Variants in CIB1 observed in about 807,000 individuals in gnomAD.
CIB1 encodes the protein calcium and integrin binding 1, also known as calcium and integrin-binding protein 1.
Under a neutral mutation model 25.0 loss-of-function variants are expected in CIB1, and 19 were observed. The ratio of observed to expected loss-of-function variants is 0.76; its 90% CI spans 0.53 to 1.12. CIB1 has a LOEUF of 1.12. Ranked by LOEUF, CIB1 falls within the 50% of genes most tolerant of loss-of-function variation. The probability of loss-of-function intolerance (pLI) is 0.00; values close to 1 mark genes in which losing one functional copy is unlikely to be tolerated. For synonymous variants in CIB1, 104 were observed against 98.5 expected (o/e 1.06, Z -0.33); for missense variants, 236 against 242.6 (o/e 0.97, Z 0.18).
the CIB1 span, chr15:90,242,580 CTA>C: frequency 0.54 from 80,900 of 150,852 alleles, 23,463 homozygotes; most frequent in African/African-American, 0.75. Flanking sequence ...GTAGCTGGGA[CTA>C]TACAGGCTCC....
At chr15:90,261,852 A>G in the CIB1 span, among the ~76,000 whole-genome samples, 109,408 of 152,192 alleles carry the variant, frequency 0.72, 40,262 homozygotes, top group African/African-American at 0.87. Context: ...ATGTGGGGCT[A>G]GCCAAAGATG....
chr15:90,262,263 G>A, the CIB1 span: 3 of 1,407,526 alleles, frequency 2.1e-6, no homozygotes, highest in Non-Finnish European at 2.8e-6. Context: ...CTTCCCAGCA[G>A]GGAAAGAGGA....
At chr15:90,233,321 G>A (rs1962547977) in intron 2 of CIB1, among the ~76,000 whole-genome samples, 1 of 152,262 alleles carries the variant, frequency 6.6e-6, no homozygotes, top group South Asian at 2.1e-4. Flanking sequence ...TTGGGAGAAG[G>A]AGCCGGGCTC....
upstream of CIB1, among the ~76,000 whole-genome samples, chr15:90,235,678 C>T (rs80192284): frequency 0.064 from 9,740 of 151,840 alleles, 827 homozygotes; most frequent in East Asian, 0.38. Context: ...CGCCATTCTT[C>T]TACCTTAGCC....
chr15:90,257,425 GTGTT>G, the CIB1 span: 1 of 1,277,438 alleles, frequency 7.8e-7, no homozygotes, highest in East Asian at 2.4e-5. Context: ...TGGGAGGCAA[GTGTT>G]TGGTAGGTGG....
chr15:90,250,973 T>G, the CIB1 span: 14 of 1,504,366 alleles, frequency 9.3e-6, no homozygotes, highest in Non-Finnish European at 1.3e-5. Context: ...AGCTGGGATC[T>G]CAGATCTTCC....
At chr15:90,241,676 C>T in the CIB1 span, 8 of 1,614,106 alleles carry the variant, frequency 5.0e-6, no homozygotes, top group Non-Finnish European at 6.8e-6. Flanking sequence ...CTGGCTTCCT[C>T]TTTTACACTC....
chr15:90,262,004 A>G, the CIB1 span: 51 of 1,530,354 alleles, frequency 3.3e-5, no homozygotes, highest in Admixed American at 8.5e-4. Context: ...TGCTTTCCAC[A>G]GGAAAGAAAA....
At position 90,233,648 on chromosome 15, in the gene CIB1, AG is replaced by A; in HGVS notation, c.86+20del. 6.4e-7 allele frequency: 1 copy of A among 1,571,040 alleles called. No homozygotes were observed. The highest frequency in any genetic ancestry group is 8.6e-7 in the Non-Finnish European group (1 of 1,157,956). On this transcript the variant is annotated intron_variant, in intron 2 of 6. Transcript: ENST00000328649. ...TCTAGAGGATCCCGGGGTCGGAGGC[AG>A]GGTTCAAGGCAGCACTTACAGGAGG...
the CIB1 span, among the ~76,000 whole-genome samples, chr15:90,239,293 A>G: frequency 2.1e-5 from 3 of 145,344 alleles, no homozygotes; most frequent in South Asian, 6.6e-4. Flanking sequence ...GTTGATCTAT[A>G]TGAGACATAA....
intron 2 of CIB1, among the ~76,000 whole-genome samples, chr15:90,233,441 C>T (rs1962552023): frequency 6.6e-6 from 1 of 151,342 alleles, no homozygotes; most frequent in East Asian, 1.9e-4. Context: ...GAGCGCCTAA[C>T]TTTTCCTGGA....
At chr15:90,241,357 A>G in the CIB1 span, 2 of 1,614,174 alleles carry the variant, frequency 1.2e-6, no homozygotes, top group Non-Finnish European at 1.7e-6. Flanking sequence ...ACTCTGCTGC[A>G]AGAAGACATC....
At chr15:90,255,708 GA>G in the CIB1 span, 3 of 1,613,458 alleles carry the variant, frequency 1.9e-6, no homozygotes, top group African/African-American at 2.7e-5. Context: ...CAGGTGCTAG[GA>G]AATGCCACTT....
chr15:90,233,989 T>C (rs1962574548), upstream of CIB1: 3 of 1,297,056 alleles, frequency 2.3e-6, no homozygotes, highest in East Asian at 8.3e-5. Flanking sequence ...CGGCAACCGC[T>C]CCTGGGGCCA....
chr15:90,253,207 C>A, the CIB1 span: 2 of 1,540,516 alleles, frequency 1.3e-6, no homozygotes, highest in Non-Finnish European at 1.8e-6. Context: ...GGGCTTGTTG[C>A]TGGTGTCCAT....
the CIB1 span, chr15:90,263,145 G>A: frequency 6.6e-7 from 1 of 1,521,674 alleles, no homozygotes; most frequent in South Asian, 1.2e-5. Flanking sequence ...ATGAGAGTCG[G>A]GTGAGGGTCC....
the CIB1 span, chr15:90,243,233 C>G: frequency 6.6e-6 from 1 of 152,308 alleles, no homozygotes; most frequent in East Asian, 1.9e-4. Context: ...CCCTGCTCCA[C>G]CCAAATGCCC....
At chr15:90,253,353 A>T in the CIB1 span, 5 of 1,612,492 alleles carry the variant, frequency 3.1e-6, no homozygotes, top group Non-Finnish European at 3.4e-6. Context: ...AGTCATGGAC[A>T]TGAAGAGGTT....
At position 90,231,032 on chromosome 15, in the gene CIB1, G is replaced by A. The variant is rs753268972; in HGVS notation, c.466-10C>T. The A allele has an allele frequency of 3.1e-6, 5 of 1,613,792 alleles. No homozygotes were observed. The highest frequency in any genetic ancestry group is 4.2e-6 in the Non-Finnish European group (5 of 1,179,680). On this transcript the variant is annotated splice_polypyrimidine_tract_variant and intron_variant, in intron 5 of 6. Transcript: ENST00000328649. ...CAGACTCCTCCAGGATCTGGGAAAG[G>A]GAGAGTTTCAGGCCAGAGCCCCAAC...
Sources: allele counts gnomAD v4.1 joint callset (sites outside exome capture counted in the v4.1 genomes callset), GRCh38; gene constraint gnomAD v4.1.1; transcripts MANE v1.5; gene names NCBI Gene and HGNC (gene_info 2026-07-23, HGNC 2026-07-21).